MEP1B: variants seen among roughly 807,000 people sequenced by gnomAD.
MEP1B encodes the protein meprin A subunit beta, also known as N-benzoyl-L-tyrosyl-P-amino-benzoic acid hydrolase subunit beta.
A neutral mutation model predicts 84.6 loss-of-function variants in MEP1B; 80 were observed. The observed-to-expected ratio is 0.95, with a 90% CI of 0.79 to 1.14. MEP1B has a LOEUF of 1.14. Ranked by LOEUF, MEP1B falls within the 50% of genes most tolerant of loss-of-function variation. The pLI is 0.00. For missense variants in MEP1B, 766 were observed against 855.1 expected (o/e 0.90, Z 1.30); for synonymous variants, 273 against 288.1 (o/e 0.95, Z 0.53).
At chr18:32,212,412 A>C (rs532781712) in intron 10 of MEP1B, among the ~76,000 whole-genome samples, 4 of 152,290 alleles carry the variant, frequency 2.6e-5, no homozygotes, top group African/African-American at 9.6e-5. Flanking sequence ...GCCTCTGCAG[A>C]TTATTTAGTA....
chr18:32,220,273 A>G lies in MEP1B; in HGVS notation c.*28A>G. 6.2e-7 allele frequency: 1 copy of G among 1,604,008 alleles called. No individual in the cohort carries two copies. On this transcript the variant is annotated 3_prime_UTR_variant, in exon 15 of 15. Coordinates refer to ENST00000269202, the MANE Select transcript of MEP1B (RefSeq NM_005925.3). ...ATTAACTCGACAATATGGCCAGCTA[A>G]TGAAATTAAAAAGGATTCTTCATCA...
At chr18:32,218,027 T>G (rs868143186) in intron 14 of MEP1B, 62 bp downstream of exon 14, 8 of 1,489,446 alleles carry the variant, frequency 5.4e-6, no homozygotes, top group Middle Eastern at 1.7e-4. Flanking sequence ...GGAGAGGAAC[T>G]AGGACATTTT....
At chr18:32,190,333 TAA>T (rs940524949) in intron 1 of MEP1B, among the ~76,000 whole-genome samples, 200 bp downstream of exon 1, 3 of 152,086 alleles carry the variant, frequency 2.0e-5, no homozygotes, top group Non-Finnish European at 4.4e-5. Flanking sequence ...GACATTGATA[TAA>T]AGTTATGTTT....
intron 9 of MEP1B, 81 bp downstream of exon 9, chr18:32,208,352 C>T (rs1293644660): frequency 4.6e-6 from 6 of 1,312,848 alleles, no homozygotes; most frequent in Non-Finnish European, 6.1e-6. Flanking sequence ...GGGATTTTAT[C>T]TCTAATTTCT....
chr18:32,213,084 T>C, intron 10 of MEP1B, 32 bp from the exon 11 acceptor site: 1 of 1,588,716 alleles, frequency 6.3e-7, no homozygotes. Context: ...TTGAACTTCT[T>C]TGTCTTTGAA....
chr18:32,214,423 AT>A (rs2041062299), intron 11 of MEP1B, among the ~76,000 whole-genome samples: 1 of 152,228 alleles, frequency 6.6e-6, no homozygotes, highest in African/African-American at 2.4e-5. Flanking sequence ...ATAGAAAAAA[AT>A]CCAACTTAAT....
chr18:32,190,832 G>A (rs547296810), intron 1 of MEP1B, among the ~76,000 whole-genome samples: 3 of 152,162 alleles, frequency 2.0e-5, no homozygotes, highest in Non-Finnish European at 2.9e-5. Flanking sequence ...CCTGTGTGTG[G>A]TTATAGTGTG....
At chr18:32,197,947 T>C (rs2040872630) in intron 5 of MEP1B, among the ~76,000 whole-genome samples, 1 of 152,220 alleles carries the variant, frequency 6.6e-6, no homozygotes, top group Non-Finnish European at 1.5e-5. Flanking sequence ...TCCATGTCTA[T>C]GCAATATTTA....
chr18:32,203,143 A>C (rs2040929804), intron 6 of MEP1B, 133 bp downstream of exon 6: 1 of 532,618 alleles, frequency 1.9e-6, no homozygotes, highest in Non-Finnish European at 3.3e-6. Context: ...CTGGAGAGTA[A>C]AAAACAACTG....
At position 32,219,684 on chromosome 18, in the gene MEP1B, G is replaced by A. The variant is rs76637165; in HGVS notation, c.2092-547G>A. Among the ~76,000 whole-genome samples, 9 of 152,124 alleles carry A rather than the reference G, an allele frequency of 5.9e-5. No homozygotes were observed. The East Asian group carries it at 1.5e-3, about 26-fold the overall frequency. ...CTTGCTTAGCAAGTAAAAACTGGAA[G>A]GAGTTAAAGAAAAATGACAAAACCA... is the stretch of plus-strand genomic sequence containing the variant. On this transcript the variant is annotated intron_variant, in intron 14 of 14. Transcript: ENST00000269202.
At chr18:32,205,239 A>G (rs1034244229) in intron 7 of MEP1B, among the ~76,000 whole-genome samples, 7 of 152,232 alleles carry the variant, frequency 4.6e-5, no homozygotes, top group African/African-American at 1.7e-4. Context: ...AATTTTCAGT[A>G]ATAGTTGAGT....
chr18:32,201,342 A>G (rs2040910713), intron 5 of MEP1B, among the ~76,000 whole-genome samples: 1 of 148,300 alleles, frequency 6.7e-6, no homozygotes, highest in Non-Finnish European at 1.5e-5. Context: ...ACGGCATACT[A>G]TTTCAGGGTG....
chr18:32,196,362 G>A lies in MEP1B; in HGVS notation c.250+877G>A. On this transcript the variant is annotated intron_variant, in intron 5 of 14. Coordinates refer to ENST00000269202, the MANE Select transcript of MEP1B (RefSeq NM_005925.3). This position sits in a 1 kb window ranked among gnomAD's most constrained non-coding sequence, Gnocchi z 4.4. ...CGCGCCGCAGGGCCACGGCCAGCTG[G>A]GTCAGGCACTTGAGGTACTCAGAGC... 1 of 701,494 alleles carries A rather than the reference G, an allele frequency of 1.4e-6. No homozygotes were observed. Among genetic ancestry groups the A allele is most frequent in the South Asian group, 1.5e-5 (1 of 67,464 alleles). 43.5% of individuals were successfully genotyped at this position (701,494 alleles called of 1,614,324 possible).
intron 4 of MEP1B, 43 bp from the exon 5 acceptor site, chr18:32,195,364 G>A (rs2040842172): frequency 8.0e-7 from 1 of 1,257,612 alleles, no homozygotes; most frequent in African/African-American, 1.5e-5. Flanking sequence ...CTAAGTGTTT[G>A]CCTTATTTGT....
rs756547926 is a variant in MEP1B, at chr18:32,204,269, C to G, written c.456C>G (p.His152Gln). The G allele has an allele frequency of 2.5e-6, 4 of 1,603,796 alleles. No individual in the cohort carries two copies. In the African/African-American group the frequency reaches 5.4e-5, roughly 21 times the overall value. Residue 152 changes from histidine (H) to glutamine (Q), a missense_variant, in exon 7 of 15, where the codon CAC becomes CAG. Physicochemically the swap from His to Gln is conservative, Grantham distance 24. Coordinates refer to ENST00000269202, the MANE Select transcript of MEP1B (RefSeq NM_005925.3). Reference sequence around the variant, plus strand: ...GTGACCGAATAGCAACAGTTCAACACGAGTTCCTCCACGCTCTGGGATTCT... The same window carrying G: ...GTGACCGAATAGCAACAGTTCAACAGGAGTTCCTCCACGCTCTGGGATTCT... ...ANCDRIATVQHEFLHALGFWH... is the reference protein window; with the variant it reads ...ANCDRIATVQQEFLHALGFWH...
rs752399620 is a variant in MEP1B, at chr18:32,204,231, A to T, written c.418A>T (p.Ile140Phe). The stretch of plus-strand genomic sequence containing the variant: ...GCGGGTTGGGAAGCAAGAACTTTCC[A>T]TCGGGGCAAACTGTGACCGAATAGC... ...NRRVGKQELS[I>F]GANCDRIATV... The change falls in exon 7 of 15, where the codon ATC becomes TTC. Residue 140 changes from isoleucine to phenylalanine, a missense_variant. Physicochemically the swap from Ile to Phe is conservative, Grantham distance 21 (BLOSUM62 0). Transcript: ENST00000269202. The T allele has an allele frequency of 6.2e-6, 10 of 1,606,046 alleles. No homozygotes were observed. Among genetic ancestry groups the T allele is most frequent in the Non-Finnish European group, 8.5e-6 (10 of 1,176,592 alleles).
At chr18:32,202,869 T>C (rs764013470) in intron 5 of MEP1B, 24 bp from the exon 6 acceptor site, 10 of 1,472,054 alleles carry the variant, frequency 6.8e-6, no homozygotes, top group African/African-American at 1.4e-5. Flanking sequence ...AATAAGCTTA[T>C]TTTTGTTTGT....
chr18:32,211,819 T>C (rs1246044845), intron 10 of MEP1B, among the ~76,000 whole-genome samples: 4 of 152,068 alleles, frequency 2.6e-5, no homozygotes, highest in Admixed American at 2.6e-4. Context: ...CTTGAATGAA[T>C]TGAGTAATTC....
Position 32,213,204 on chromosome 18 carries a change from T to C in MEP1B, c.1224T>C (p.Ser408=), listed in dbSNP as rs372147927. The C allele has an allele frequency of 6.2e-7, 1 of 1,614,046 alleles. No individual in the cohort carries two copies. Among genetic ancestry groups the C allele is most frequent in the Non-Finnish European group, 8.5e-7 (1 of 1,179,878 alleles). The change falls in exon 11 of 15, where the codon TCT becomes TCC. Residue 408 remains serine (S), a synonymous_variant. Transcript: ENST00000269202. ...FRVVFEGRKG[S]GASLGGLSID... is the part of the protein sequence containing the mutation. ...TGGTGTTTGAAGGACGCAAAGGCTC[T>C]GGTGCATCACTGGGTGGTCTGTCTA...
Sources: allele counts gnomAD v4.1 joint callset (sites outside exome capture counted in the v4.1 genomes callset), GRCh38; gene constraint gnomAD v4.1.1; non-coding constraint Gnocchi (gnomAD v3.1); transcripts MANE v1.5; gene names NCBI Gene and HGNC (gene_info 2026-07-23, HGNC 2026-07-21).